The following XRN2 variants were observed in gnomAD, a reference collection of about 807,000 sequenced individuals.
The protein encoded by XRN2 is 5'-3' exoribonuclease 2, also known as DHM1-like protein.
In XRN2, 44 loss-of-function variants were observed where a neutral mutation model predicts 138.5. The ratio of observed to expected loss-of-function variants is 0.32; its 90% CI spans 0.25 to 0.41. The LOEUF is 0.41. Among genes scored for constraint, XRN2 ranks in the 10% least tolerant of loss-of-function variants. The pLI is 1.00. For synonymous variants in XRN2, 354 were observed against 369.4 expected (o/e 0.96, Z 0.48); for missense variants, 937 against 1,169.3 (o/e 0.80, Z 2.90).
chr20:21,311,491 A>G (rs1600668992), intron 1 of XRN2, among the ~76,000 whole-genome samples: 1 of 152,208 alleles, frequency 6.6e-6, no homozygotes, highest in South Asian at 2.1e-4. Context: ...GGCTGGTTCT[A>G]CCTTTAGTCT....
At chr20:21,320,656 G>A (rs555497056) in intron 1 of XRN2, among the ~76,000 whole-genome samples, 3 of 151,104 alleles carry the variant, frequency 2.0e-5, no homozygotes, top group Admixed American at 6.6e-5. Flanking sequence ...GTGCAGTGGC[G>A]TGATCTTGGC....
chr20:21,340,587 G>A, intron 14 of XRN2, 134 bp from the exon 15 acceptor site: 1 of 896,144 alleles, frequency 1.1e-6, no homozygotes, highest in Non-Finnish European at 1.7e-6. Context: ...TATTAACGAA[G>A]ATCATTTGGT....
At chr20:21,365,824 T>TTATA (rs1287371078) in intron 26 of XRN2, 120 bp downstream of exon 26, 1 of 107,088 alleles carries the variant, frequency 9.3e-6, no homozygotes, top group Non-Finnish European at 2.0e-5. Context: ...TGATTATATA[T>TTATA]TATATATATT....
At chr20:21,330,971 T>C (rs2038199472) in intron 6 of XRN2, among the ~76,000 whole-genome samples, 1 of 152,158 alleles carries the variant, frequency 6.6e-6, no homozygotes, top group Admixed American at 6.5e-5. Flanking sequence ...AAAAAATATA[T>C]ATAGGAAAGT....
intron 24 of XRN2, among the ~76,000 whole-genome samples, chr20:21,361,168 T>G (rs558972927): frequency 6.6e-6 from 1 of 152,370 alleles, no homozygotes; most frequent in African/African-American, 2.4e-5. Context: ...TTTGCTACAG[T>G]ATTTTCTTCT....
intron 3 of XRN2, 27 bp from the exon 4 acceptor site, chr20:21,328,532 G>T: frequency 6.3e-7 from 1 of 1,595,310 alleles, no homozygotes; most frequent in African/African-American, 1.3e-5. Flanking sequence ...TTTGATGAGT[G>T]TTATGGAATA....
chr20:21,362,317 G>C (rs965759748), intron 24 of XRN2, among the ~76,000 whole-genome samples: 1 of 152,080 alleles, frequency 6.6e-6, no homozygotes, highest in African/African-American at 2.4e-5. Context: ...CTGCAGAAGT[G>C]GTTATCTCTG....
chr20:21,313,647 C>G (rs529509228), intron 1 of XRN2, among the ~76,000 whole-genome samples: 1 of 152,138 alleles, frequency 6.6e-6, no homozygotes, highest in East Asian at 1.9e-4. Flanking sequence ...GTTTATGTGT[C>G]CAAGTAAAGG....
intron 16 of XRN2, among the ~76,000 whole-genome samples, chr20:21,345,913 A>G (rs1296099875): frequency 1.3e-5 from 2 of 149,268 alleles, no homozygotes; most frequent in African/African-American, 4.9e-5. Context: ...ATTTCTGCCT[A>G]ATGTCTAGAT....
In XRN2 at chr20:21,307,928, A is replaced by AT. The variant is rs2037825705; in HGVS notation, c.75+4458dup. On this transcript the variant is annotated intron_variant, in intron 1 of 29. Transcript: ENST00000377191. ...CCGTTGTTGTATGTGTCAGTAGTTTATTTCTTTTTTGTTTTTATTTTTTTT... is the reference window on the plus strand; with the variant it reads ...CCGTTGTTGTATGTGTCAGTAGTTTATTTTCTTTTTTGTTTTTATTTTTTTT... Among the ~76,000 whole-genome samples the AT allele has an allele frequency of 9.2e-5, 7 of 75,782 alleles. 3 individuals are homozygous for AT. The highest frequency in any genetic ancestry group is 2.2e-4 in the Non-Finnish European group (7 of 32,136). 49.7% of individuals were successfully genotyped at this position (75,782 alleles called of 152,430 possible). A position where few individuals can be genotyped will look rare whatever the true frequency, so the allele number is the denominator to read the frequency against.
At chr20:21,368,356 C>T in intron 26 of XRN2, 107 bp from the exon 27 acceptor site, 8 of 1,353,750 alleles carry the variant, frequency 5.9e-6, no homozygotes, top group Non-Finnish European at 8.1e-6. Flanking sequence ...TTAATCAGAT[C>T]TGTTAGTGAA....
intron 20 of XRN2, among the ~76,000 whole-genome samples, chr20:21,353,794 T>TAAAAA (rs11483541): frequency 1.4e-5 from 2 of 138,952 alleles, no homozygotes; most frequent in Non-Finnish European, 3.1e-5. Context: ...GACCCTATCT[T>TAAAAA]AAAAAAAAAA....
intron 16 of XRN2, among the ~76,000 whole-genome samples, chr20:21,346,011 A>C (rs1261393295): frequency 6.6e-6 from 1 of 152,210 alleles, no homozygotes; most frequent in Admixed American, 6.5e-5. Flanking sequence ...GTATGGTTTA[A>C]ATATATTTTA....
intron 4 of XRN2, among the ~76,000 whole-genome samples, 178 bp from the exon 5 acceptor site, chr20:21,330,303 A>AATG (rs2038189367): frequency 6.6e-6 from 1 of 152,036 alleles, no homozygotes; most frequent in African/African-American, 2.4e-5. Flanking sequence ...TAATAATAAT[A>AATG]ATTTAAATTT....
intron 24 of XRN2, among the ~76,000 whole-genome samples, chr20:21,361,082 A>G (rs1408110363): frequency 6.6e-6 from 1 of 152,218 alleles, no homozygotes; most frequent in Non-Finnish European, 1.5e-5. Flanking sequence ...TAATACTTAA[A>G]ATAGCATTTC....
intron 28 of XRN2, among the ~76,000 whole-genome samples, chr20:21,382,940 C>A (rs138881843): frequency 6.6e-4 from 100 of 152,256 alleles, no homozygotes; most frequent in African/African-American, 2.1e-3. Flanking sequence ...CAGTTTTAAT[C>A]TGTTTTATTC....
rs753203239 is a variant in XRN2 at position 21,357,749 on chromosome 20, C to T, written c.2212C>T (p.Pro738Ser). 1 of 1,597,718 alleles carries T rather than the reference C, an allele frequency of 6.3e-7. No individual in the cohort carries two copies. Among genetic ancestry groups the T allele is most frequent in the African/African-American group, 1.3e-5 (1 of 74,500 alleles). Reference sequence around the variant, plus strand: ...GTTTCCTTCTAGAATAGTATGTTCTCCTGTTCCTATGTTAAGGGATCTGAC... The same window carrying T: ...GTTTCCTTCTAGAATAGTATGTTCTTCTGTTCCTATGTTAAGGGATCTGAC... Reference protein sequence around the residue: ...AILPDQIVCSPVPMLRDLTQN... With the variant: ...AILPDQIVCSSVPMLRDLTQN... Residue 738 changes from proline (P) to serine (S), a missense_variant, in exon 24 of 30, where the codon CCT becomes TCT. Physicochemically the swap from Pro to Ser is moderately conservative, Grantham distance 74. Coordinates refer to ENST00000377191, the MANE Select transcript of XRN2 (RefSeq NM_012255.5).
intron 1 of XRN2, among the ~76,000 whole-genome samples, chr20:21,308,220 A>G (rs542692443): frequency 6.6e-6 from 1 of 152,182 alleles, no homozygotes; most frequent in Non-Finnish European, 1.5e-5. Flanking sequence ...TTCTGTGTGT[A>G]GATACACCAC....
rs774996547 is a variant in XRN2, at chr20:21,332,320, G to A, written c.738G>A (p.Pro246=). 1.2e-5 allele frequency: 19 copies of A among 1,613,396 alleles called. No individual in the cohort carries two copies. The highest frequency in any genetic ancestry group is 6.7e-5 in the African/African-American group (5 of 74,858). ...TGCTTGGCCTTGCCACACATGAACCGAACTTTACCATTATTAGAGAAGAAT... is the reference window on the plus strand; with the variant it reads ...TGCTTGGCCTTGCCACACATGAACCAAACTTTACCATTATTAGAGAAGAAT... ...LIMLGLATHE[P]NFTIIREEFK... is the part of the protein sequence containing the mutation. The change falls in exon 9 of 30, where the codon CCG becomes CCA. Residue 246 remains proline, a synonymous_variant. Coordinates refer to ENST00000377191, the MANE Select transcript of XRN2 (RefSeq NM_012255.5).
Sources: gnomAD v4.1 joint callset for allele counts (sites outside exome capture counted in the v4.1 genomes callset) on GRCh38, gnomAD v4.1.1 for gene constraint, MANE v1.5 for transcripts, NCBI Gene and HGNC (gene_info 2026-07-23, HGNC 2026-07-21) for gene names.